LIN7A: variants seen among roughly 807,000 people sequenced by gnomAD.
LIN7A encodes lin-7 cell polarity scaffold A.
In LIN7A, 25 loss-of-function variants were observed where a neutral mutation model predicts 29.8. The ratio of observed to expected loss-of-function variants is 0.84; its 90% confidence interval spans 0.61 to 1.17. The LOEUF is 1.17. Ranked by LOEUF, LIN7A falls within the 50% of genes most tolerant of loss-of-function variation. LIN7A has a pLI of 0.00. For synonymous variants in LIN7A, 118 were observed against 107.5 expected, an observed-to-expected ratio of 1.10 and a Z score of -0.60; for missense variants, 239 against 287.0, an observed-to-expected ratio of 0.83 and a Z score of 1.21.
rs2121512751 is a variant in LIN7A, at chr12:80,810,122, T to C, written c.*1343A>G. ...AGATCATCTTAACTTATTCCCCTTC[T>C]ACCTAACTGAAACTTGTAACCTTTA... On this transcript the variant is annotated intron_variant, in intron 5 of 5. Transcript: ENST00000552864. Among the ~76,000 whole-genome samples, 2 of 152,312 alleles carry C rather than the reference T, an allele frequency of 1.3e-5. 1 individual carries two copies. Among genetic ancestry groups the C allele is most frequent in the African/African-American group, 4.8e-5 (2 of 41,570 alleles).
intron 4 of LIN7A, among the ~76,000 whole-genome samples, chr12:80,820,630 TACACAC>T (rs3072333): frequency 1.4e-5 from 2 of 147,426 alleles, no homozygotes; most frequent in African/African-American, 5.0e-5. Context: ...GAAGATTAAA[TACACAC>T]ACACACACAC....
chr12:80,914,419 T>C (rs1481610742), intron 1 of LIN7A, among the ~76,000 whole-genome samples: 1 of 152,200 alleles, frequency 6.6e-6, no homozygotes, highest in East Asian at 1.9e-4. Flanking sequence ...GTAATGTTTA[T>C]AAAGCACGAA....
intron 1 of LIN7A, among the ~76,000 whole-genome samples, chr12:80,930,004 GC>G (rs1251271654): frequency 6.6e-6 from 1 of 152,068 alleles, no homozygotes; most frequent in East Asian, 1.9e-4. Context: ...AAATCTTATA[GC>G]CATGTTGTGA....
chr12:80,798,609 A>G (rs1359342643), intron 5 of LIN7A, among the ~76,000 whole-genome samples: 1 of 152,168 alleles, frequency 6.6e-6, no homozygotes, highest in East Asian at 1.9e-4. Flanking sequence ...TCTGACTACT[A>G]CTTCTATCAC....
chr12:80,836,205 G>A (rs1480338860), intron 4 of LIN7A, among the ~76,000 whole-genome samples: 1 of 152,128 alleles, frequency 6.6e-6, no homozygotes, highest in Non-Finnish European at 1.5e-5. Context: ...ATCCCACTAT[G>A]TATACTTTAG....
intron 1 of LIN7A, among the ~76,000 whole-genome samples, chr12:80,909,675 C>T (rs1876656479): frequency 1.3e-5 from 2 of 152,056 alleles, no homozygotes; most frequent in Non-Finnish European, 2.9e-5. Context: ...ATAACTTAAT[C>T]GCATCCCCAA....
intron 4 of LIN7A, among the ~76,000 whole-genome samples, chr12:80,832,270 GT>G (rs1872397696): frequency 6.6e-6 from 1 of 152,128 alleles, no homozygotes; most frequent in Non-Finnish European, 1.5e-5. Context: ...TATGATCTAC[GT>G]TTTCTTTAAA....
intron 2 of LIN7A, among the ~76,000 whole-genome samples, chr12:80,885,479 C>T (rs1017548906): frequency 1.3e-5 from 2 of 152,074 alleles, no homozygotes; most frequent in Non-Finnish European, 1.5e-5. Flanking sequence ...TCTTTAAAAT[C>T]ACTTGCACTG....
intron 5 of LIN7A, among the ~76,000 whole-genome samples, chr12:80,807,063 GTTTTTTTTT>G (rs71094991): frequency 3.7e-5 from 2 of 53,592 alleles, no homozygotes; most frequent in South Asian, 4.9e-4. Context: ...TGAAGATGGA[GTTTTTTTTT>G]TTTTTTTTTT....
intron 1 of LIN7A, among the ~76,000 whole-genome samples, chr12:80,934,001 G>A (rs1180831116): frequency 1.3e-5 from 2 of 152,002 alleles, no homozygotes; most frequent in East Asian, 3.9e-4. Context: ...CGTAAGTCTG[G>A]TGCACAATAT....
Position 80,891,388 on chromosome 12 carries a change from T to C in LIN7A, c.83-2019A>G, listed in dbSNP as rs185754083. On this transcript the variant is annotated intron_variant, in intron 1 of 5. Coordinates refer to ENST00000552864, the MANE Select transcript of LIN7A (RefSeq NM_004664.4). ...AAGGCCCTTAACGGCCGACTTCTTC[T>C]CGCTCATCTCAGAACACCTCCTCCT... Among the ~76,000 whole-genome samples, 219 of 152,312 alleles carry C rather than the reference T, an allele frequency of 1.4e-3. 2 individuals are homozygous for C. The highest frequency in any genetic ancestry group is 3.8e-4 in the Non-Finnish European group (26 of 68,026).
chr12:80,805,825 G>C (rs1413481545), intron 5 of LIN7A, among the ~76,000 whole-genome samples: 1 of 151,876 alleles, frequency 6.6e-6, no homozygotes, highest in Non-Finnish European at 1.5e-5. Context: ...TGCTGTTCTT[G>C]TGATAGTGAA....
intron 2 of LIN7A, among the ~76,000 whole-genome samples, chr12:80,869,830 C>A (rs977406705): frequency 2.0e-5 from 3 of 151,554 alleles, no homozygotes; most frequent in African/African-American, 7.3e-5. Flanking sequence ...AACTCTGGCT[C>A]AACAACTGGG....
chr12:80,909,178 A>G (rs535142348), intron 1 of LIN7A, among the ~76,000 whole-genome samples: 8 of 152,184 alleles, frequency 5.3e-5, no homozygotes, highest in African/African-American at 1.9e-4. Flanking sequence ...AATTTTTTGC[A>G]TTTGGTTACC....
intron 1 of LIN7A, among the ~76,000 whole-genome samples, chr12:80,920,397 G>A (rs1877240900): frequency 6.6e-6 from 1 of 152,092 alleles, no homozygotes; most frequent in Non-Finnish European, 1.5e-5. Flanking sequence ...AATAATTATG[G>A]GTTTATAGAT....
At chr12:80,918,782 G>A (rs11614487) in intron 1 of LIN7A, among the ~76,000 whole-genome samples, 1 of 152,118 alleles carries the variant, frequency 6.6e-6, no homozygotes, top group Non-Finnish European at 1.5e-5. Context: ...ATATGAGCAA[G>A]AACAGAAAAA....
chr12:80,793,853 T>A lies in LIN7A; in HGVS notation c.*3874A>T, dbSNP rs1182609233. 6.6e-6 allele frequency: 1 copy of A among 152,138 alleles called. No individual in the cohort carries two copies. The highest frequency in any genetic ancestry group is 1.5e-5 in the Non-Finnish European group (1 of 68,002). The allele number at this position is 152,138 out of a possible 1,614,324, so 9.4% of individuals were successfully genotyped here. On this transcript the variant is annotated 3_prime_UTR_variant, in exon 6 of 6. Coordinates refer to ENST00000552864, the MANE Select transcript of LIN7A (RefSeq NM_004664.4). ...TATATAAAAATGAAAATATCTTTTA[T>A]AAAATTTAAAAATGGGGTTTTATGT...
chr12:80,932,306 G>T (rs777668078), intron 1 of LIN7A, among the ~76,000 whole-genome samples: 1 of 152,138 alleles, frequency 6.6e-6, no homozygotes, highest in Admixed American at 6.5e-5. Context: ...CAAAATAAAA[G>T]TTCTTGGTTT....
At chr12:80,833,912 T>C (rs1872493884) in intron 4 of LIN7A, among the ~76,000 whole-genome samples, 1 of 152,210 alleles carries the variant, frequency 6.6e-6, no homozygotes, top group African/African-American at 2.4e-5. Flanking sequence ...AGAATTGTAA[T>C]AGGGCATTTC....
Sources: allele counts gnomAD v4.1 joint callset (sites outside exome capture counted in the v4.1 genomes callset), GRCh38; gene constraint gnomAD v4.1.1; transcripts MANE v1.5; gene names NCBI Gene and HGNC (gene_info 2026-07-23, HGNC 2026-07-21).